FRMPD1: variants seen among roughly 807,000 people sequenced by gnomAD.
The protein encoded by FRMPD1 is FERM and PDZ domain-containing protein 1.
In FRMPD1, 76 loss-of-function variants were observed where a neutral mutation model predicts 117.8. The ratio of observed to expected loss-of-function variants is 0.65; its 90% CI spans 0.54 to 0.78. The LOEUF is 0.78. Among genes scored for constraint, FRMPD1 ranks in the 30% least tolerant of loss-of-function variants. The pLI is 0.00. For missense variants in FRMPD1, 1,786 were observed against 1,964.5 expected, an observed-to-expected ratio of 0.91 and a Z score of 1.72; for synonymous variants, 783 against 770.4, an observed-to-expected ratio of 1.02 and a Z score of -0.27.
At chr9:37,613,355 T>C in the FRMPD1 span, among the ~76,000 whole-genome samples, 1 of 152,182 alleles carries the variant, frequency 6.6e-6, no homozygotes, top group African/African-American at 2.4e-5. Flanking sequence ...GTAGATGAGA[T>C]TGACAGTAAG....
intron 9 of FRMPD1, among the ~76,000 whole-genome samples, chr9:37,731,396 C>A (rs926241461): frequency 1.3e-5 from 2 of 152,100 alleles, no homozygotes; most frequent in Non-Finnish European, 2.9e-5. Flanking sequence ...CCAAAAGGGG[C>A]CTTAGTGCTT....
the FRMPD1 span, among the ~76,000 whole-genome samples, chr9:37,624,534 C>T: frequency 1.3e-5 from 2 of 152,152 alleles, no homozygotes; most frequent in African/African-American, 4.8e-5. Context: ...TTCCAATTCA[C>T]ACTCTTGATA....
At chr9:37,743,520 C>CT (rs531949141) in intron 15 of FRMPD1, among the ~76,000 whole-genome samples, 15 of 40,930 alleles carry the variant, frequency 3.7e-4, no homozygotes, top group East Asian at 1.3e-3. Flanking sequence ...AATGGCTCTG[C>CT]TTTTTTTTTT....
intron 1 of FRMPD1, among the ~76,000 whole-genome samples, chr9:37,681,228 AAG>A (rs1554662265): frequency 4.0e-5 from 6 of 151,252 alleles, no homozygotes; most frequent in Admixed American, 3.3e-4. Flanking sequence ...AAAAAAAAAA[AAG>A]AAAGAAAGAA....
chr9:37,675,467 G>A (rs1821496180), intron 1 of FRMPD1, among the ~76,000 whole-genome samples: 1 of 152,044 alleles, frequency 6.6e-6, no homozygotes, highest in Non-Finnish European at 1.5e-5. Flanking sequence ...GTGTGTGATG[G>A]TGGTGGGGAT....
chr9:37,728,715 C>A (rs1823723040), intron 7 of FRMPD1, among the ~76,000 whole-genome samples: 1 of 152,130 alleles, frequency 6.6e-6, no homozygotes, highest in Admixed American at 6.6e-5. Context: ...GTAATCCCAG[C>A]ACTTTGGGAG....
chr9:37,632,481 G>A, the FRMPD1 span, among the ~76,000 whole-genome samples: 1 of 152,196 alleles, frequency 6.6e-6, no homozygotes, highest in Admixed American at 6.5e-5. Context: ...AAGCCATCAA[G>A]TGCTATAGCT....
rs555165674 is a variant in FRMPD1, at chr9:37,721,552, A to G, written c.516+2376A>G. Among the ~76,000 whole-genome samples, 236 of 152,380 alleles carry G rather than the reference A, an allele frequency of 1.5e-3. 1 individual carries two copies. Among genetic ancestry groups the G allele is most frequent in the South Asian group, 3.7e-3 (18 of 4,832 alleles). ...GAGAAAGTAATTATAGTCATGCACT[A>G]CTGATGGCTTTATAAATTGGCTTAA... On this transcript the variant is annotated intron_variant, in intron 6 of 15. Transcript: ENST00000377765.
intron 1 of FRMPD1, among the ~76,000 whole-genome samples, chr9:37,687,294 A>C (rs1333545650): frequency 6.6e-6 from 1 of 152,238 alleles, no homozygotes; most frequent in Non-Finnish European, 1.5e-5. Flanking sequence ...TGTCTTCCAC[A>C]TGGTGGCCCT....
the FRMPD1 span, among the ~76,000 whole-genome samples, chr9:37,606,577 T>C: frequency 6.6e-6 from 1 of 152,228 alleles, no homozygotes; most frequent in Non-Finnish European, 1.5e-5. Context: ...CGTTTTCTTC[T>C]GGCACCACCA....
the FRMPD1 span, among the ~76,000 whole-genome samples, chr9:37,633,844 G>C: frequency 6.6e-6 from 1 of 152,202 alleles, no homozygotes; most frequent in African/African-American, 2.4e-5. Flanking sequence ...CTGAGTGACA[G>C]AGTGAGACCC....
Position 37,740,406 on chromosome 9 carries a change from C to G in FRMPD1, c.1878C>G (p.Thr626=). 1 of 1,614,110 alleles carries G rather than the reference C, an allele frequency of 6.2e-7. No homozygotes were observed. The highest frequency in any genetic ancestry group is 8.5e-7 in the Non-Finnish European group (1 of 1,179,954). Residue 626 remains threonine (T), a synonymous_variant, in exon 15 of 16, where the codon ACC becomes ACG. Coordinates refer to ENST00000377765, the MANE Select transcript of FRMPD1 (RefSeq NM_014907.3). This position sits in a 1 kb window ranked among gnomAD's most constrained non-coding sequence, Gnocchi z 4.2. The part of the protein sequence containing the change: ...DLDTCSSSRS[T]FFHFGSPGLA... ...ACACCTGCTCCTCCAGCAGGTCCAC[C>G]TTCTTCCACTTTGGCTCGCCAGGCC...
intron 7 of FRMPD1, among the ~76,000 whole-genome samples, chr9:37,729,310 G>C (rs1823753523): frequency 6.9e-6 from 1 of 145,928 alleles, no homozygotes; most frequent in Non-Finnish European, 1.5e-5. Context: ...TTGAACCCAG[G>C]AGGCAAGGGT....
chr9:37,741,398 C>G (rs564005727), intron 15 of FRMPD1, among the ~76,000 whole-genome samples: 1 of 150,692 alleles, frequency 6.6e-6, no homozygotes, highest in South Asian at 2.1e-4. Flanking sequence ...CTCATACATT[C>G]CTCCACCGAG....
At position 37,745,119 on chromosome 9, in the gene FRMPD1, C is replaced by T. The variant is rs1439834212; in HGVS notation, c.3087C>T (p.Ser1029=). 1 of 1,613,992 alleles carries T rather than the reference C, an allele frequency of 6.2e-7. No homozygotes were observed. Among genetic ancestry groups the T allele is most frequent in the Non-Finnish European group, 8.5e-7 (1 of 1,180,006 alleles). The part of the protein sequence containing the change: ...DPNPDRACLA[S]NPGLNNVSQG... ...ACCCAGACAGAGCCTGCCTGGCCAG[C>T]AACCCAGGACTAAATAATGTCTCTC... The change falls in exon 16 of 16, where the codon AGC becomes AGT. Residue 1029 remains serine, a synonymous_variant. Transcript: ENST00000377765.
intron 1 of FRMPD1, among the ~76,000 whole-genome samples, chr9:37,664,642 T>C: frequency 6.6e-6 from 1 of 152,208 alleles, no homozygotes; most frequent in Admixed American, 6.5e-5. Context: ...CATCAACTTT[T>C]TGATGAATAG....
the FRMPD1 span, among the ~76,000 whole-genome samples, chr9:37,603,645 TTTTTGTTTTGTTTTGTTTTGTTTTA>T: frequency 1.4e-4 from 21 of 151,696 alleles, no homozygotes; most frequent in African/African-American, 3.9e-4. Context: ...GCTAATAGGT[TTTTTGTTTTGTTTTGTTTTGTTTTA>T]TTTTGTTTTG....
chr9:37,650,814 G>T (rs938164471), upstream of FRMPD1, among the ~76,000 whole-genome samples: 1 of 149,810 alleles, frequency 6.7e-6, no homozygotes, highest in Non-Finnish European at 1.5e-5. Context: ...GAGGCGGCGC[G>T]CGGGGCTCCT....
chr9:37,740,406 C>T lies in FRMPD1; in HGVS notation c.1878C>T (p.Thr626=), dbSNP rs1457813681. 17 of 1,614,110 alleles carry T rather than the reference C, an allele frequency of 1.1e-5. No individual in the cohort carries two copies. The highest frequency in any genetic ancestry group is 1.4e-5 in the Non-Finnish European group (16 of 1,179,954). ...ACACCTGCTCCTCCAGCAGGTCCAC[C>T]TTCTTCCACTTTGGCTCGCCAGGCC... ...DLDTCSSSRS[T]FFHFGSPGLA... The change falls in exon 15 of 16, where the codon ACC becomes ACT. Residue 626 remains threonine (T), a synonymous_variant. Coordinates refer to ENST00000377765, the MANE Select transcript of FRMPD1 (RefSeq NM_014907.3). The surrounding 1 kb of genome is among the most constrained non-coding windows in gnomAD (Gnocchi z 4.2).
Sources: allele counts gnomAD v4.1 joint callset (sites outside exome capture counted in the v4.1 genomes callset), GRCh38; gene constraint gnomAD v4.1.1; non-coding constraint Gnocchi (gnomAD v3.1); transcripts MANE v1.5; gene names NCBI Gene and HGNC (gene_info 2026-07-23, HGNC 2026-07-21).